Variants in ACACA observed in about 807,000 individuals in gnomAD.
ACACA encodes acetyl-CoA carboxylase alpha, also known as acetyl-CoA carboxylase 1.
A neutral mutation model predicts 296.1 loss-of-function variants in ACACA; 103 were observed. That is an observed-to-expected ratio of 0.35 (90% CI 0.30 to 0.41). The LOEUF is 0.41. ACACA is among the 10% of genes least tolerant of loss of function. The pLI is 1.00. For synonymous variants in ACACA, 953 were observed against 1,038.6 expected (o/e 0.92, Z 1.58); for missense variants, 1,554 against 2,989.7 (o/e 0.52, Z 11.20).
chr17:37,208,153 A>G (rs1232327625), intron 30 of ACACA, among the ~76,000 whole-genome samples: 1 of 152,186 alleles, frequency 6.6e-6, no homozygotes, highest in Non-Finnish European at 1.5e-5. Context: ...CCCTCCCTAA[A>G]GCATTCCCTC....
intron 23 of ACACA, 148 bp downstream of exon 23, chr17:37,241,805 A>G (rs1213206316): frequency 2.9e-6 from 2 of 678,086 alleles, no homozygotes; most frequent in Non-Finnish European, 5.3e-6. Flanking sequence ...ATTCTAAGAT[A>G]TTTAGAAAAG....
chr17:37,191,034 G>A, intron 38 of ACACA, 86 bp downstream of exon 38: 1 of 1,506,078 alleles, frequency 6.6e-7, no homozygotes, highest in Non-Finnish European at 9.2e-7. Flanking sequence ...AGGAGTACCT[G>A]TTTCCAAGTC....
At chr17:37,202,430 C>T (rs2078288932) in intron 33 of ACACA, among the ~76,000 whole-genome samples, 1 of 151,894 alleles carries the variant, frequency 6.6e-6, no homozygotes, top group African/African-American at 2.4e-5. Flanking sequence ...CTGCTTCAAT[C>T]TCCTCCACAA....
At chr17:37,098,553 G>A (rs1262805860) in intron 52 of ACACA, among the ~76,000 whole-genome samples, 2 of 152,188 alleles carry the variant, frequency 1.3e-5, no homozygotes, top group Admixed American at 1.3e-4. Context: ...CTAATCTCAG[G>A]TTTATATACT....
At chr17:37,393,500 G>A (rs7213581) in intron 1 of ACACA, among the ~76,000 whole-genome samples, 18,552 of 151,904 alleles carry the variant, frequency 0.12, 1,312 homozygotes, top group East Asian at 0.26. Flanking sequence ...GAGATGTCCC[G>A]GGAGATAAAA....
intron 29 of ACACA, among the ~76,000 whole-genome samples, chr17:37,213,206 C>G (rs2078833634): frequency 6.6e-6 from 1 of 151,554 alleles, no homozygotes; most frequent in African/African-American, 2.4e-5. Context: ...TAAAAGTTAG[C>G]CAGGTGTGGT....
intron 1 of ACACA, among the ~76,000 whole-genome samples, chr17:37,397,607 T>C (rs1056187494): frequency 5.9e-5 from 9 of 152,190 alleles, no homozygotes. Context: ...TCATATTTCA[T>C]CATCTGTTCC....
intron 50 of ACACA, among the ~76,000 whole-genome samples, chr17:37,120,184 C>T (rs554866877): frequency 2.0e-4 from 31 of 151,900 alleles, no homozygotes; most frequent in African/African-American, 5.1e-4. Flanking sequence ...TGAGCCACCG[C>T]GCCTGGCCAT....
At chr17:37,278,832 TCCA>T (rs1337886497) in intron 5 of ACACA, among the ~76,000 whole-genome samples, 1 of 152,226 alleles carries the variant, frequency 6.6e-6, no homozygotes, top group Non-Finnish European at 1.5e-5. Flanking sequence ...AACTCAAGCA[TCCA>T]CCATTATTTA....
At chr17:37,243,583 T>C (rs773968743) in intron 21 of ACACA, 24 bp from the exon 22 acceptor site, 38 of 1,609,860 alleles carry the variant, frequency 2.4e-5, no homozygotes, top group Non-Finnish European at 3.1e-5. Context: ...ATTGGTAAAA[T>C]AGGACCCAAG....
rs146448641 is a variant in ACACA, at chr17:37,270,925, G to A, written c.1009-64C>T. 1.7e-5 allele frequency: 21 copies of A among 1,250,232 alleles called. No homozygotes were observed. In the African/African-American group the frequency reaches 1.8e-4, roughly 11 times the overall value. 77.4% of individuals were successfully genotyped at this position (1,250,232 alleles called of 1,614,324 possible). A position where few individuals can be genotyped will look rare whatever the true frequency, so the allele number is the denominator to read the frequency against. On this transcript the variant is annotated intron_variant, in intron 9 of 55. Coordinates refer to ENST00000616317, the MANE Select transcript of ACACA (RefSeq NM_198834.3). ...TTATTACCAGGGAAGGAGAAAACTG[G>A]CATTTTTCTCCCTTTAAGAATGCAG... is the stretch of plus-strand genomic sequence containing the variant.
rs1295842187 is a variant in ACACA, at chr17:37,376,568, A to C, written c.38+29694T>G. On this transcript the variant is annotated intron_variant, in intron 1 of 55. Coordinates refer to ENST00000616317, the MANE Select transcript of ACACA (RefSeq NM_198834.3). ...GTGGGGAGAGCTGAGGGAAAGGGTG[A>C]TATTGGGTGGAATGGCATCATTTGC... Among the ~76,000 whole-genome samples the C allele has an allele frequency of 2.6e-5, 4 of 152,090 alleles. No individual in the cohort carries two copies. In the South Asian group the frequency reaches 6.2e-4, roughly 24 times the overall value.
chr17:37,303,967 T>C (rs890427404), intron 3 of ACACA, among the ~76,000 whole-genome samples: 2 of 152,254 alleles, frequency 1.3e-5, no homozygotes, highest in Non-Finnish European at 2.9e-5. Flanking sequence ...ACCTTTGGTA[T>C]TGTGTCTATT....
At chr17:37,134,880 T>A (rs1398350397) in intron 45 of ACACA, among the ~76,000 whole-genome samples, 1 of 152,236 alleles carries the variant, frequency 6.6e-6, no homozygotes, top group Non-Finnish European at 1.5e-5. Flanking sequence ...AAAGTCACTC[T>A]GGGATCTGTC....
intron 11 of ACACA, among the ~76,000 whole-genome samples, chr17:37,260,601 G>A (rs2081470174): frequency 6.6e-6 from 1 of 151,910 alleles, no homozygotes; most frequent in Non-Finnish European, 1.5e-5. Flanking sequence ...ACAGCACCCA[G>A]CCCTAAGTCA....
At chr17:37,210,371 A>G in intron 30 of ACACA, 96 bp downstream of exon 30, 2 of 1,160,730 alleles carry the variant, frequency 1.7e-6, no homozygotes, top group Non-Finnish European at 2.6e-6. Context: ...ATAACACATT[A>G]TCTTGTCAAG....
At chr17:37,371,087 G>A (rs1387674904) in intron 1 of ACACA, among the ~76,000 whole-genome samples, 1 of 151,622 alleles carries the variant, frequency 6.6e-6, no homozygotes, top group Non-Finnish European at 1.5e-5. Flanking sequence ...TTTTTTGTTT[G>A]TTTGTTTTTG....
intron 22 of ACACA, among the ~76,000 whole-genome samples, chr17:37,243,073 T>C (rs1219236842): frequency 6.6e-6 from 1 of 152,148 alleles, no homozygotes; most frequent in African/African-American, 2.4e-5. Context: ...AATCAACTAA[T>C]ATCACTCTAT....
intron 41 of ACACA, among the ~76,000 whole-genome samples, chr17:37,174,700 T>G (rs1196778292): frequency 6.6e-6 from 1 of 151,440 alleles, no homozygotes; most frequent in East Asian, 1.9e-4. Flanking sequence ...GCCTGGCTAA[T>G]TTTTGTATTT....
Sources: gnomAD v4.1 joint callset for allele counts (sites outside exome capture counted in the v4.1 genomes callset) on GRCh38, gnomAD v4.1.1 for gene constraint, MANE v1.5 for transcripts, NCBI Gene and HGNC (gene_info 2026-07-23, HGNC 2026-07-21) for gene names.